Variants in GPR158 observed in about 807,000 individuals in gnomAD.
GPR158 encodes the protein G protein-coupled receptor 158, also known as metabotropic glycine receptor.
In GPR158, 30 loss-of-function variants were observed where a neutral mutation model predicts 78.2. The observed-to-expected ratio is 0.38, with a 90% CI of 0.29 to 0.52. The LOEUF (loss-of-function observed/expected upper bound fraction) is 0.52, where lower values mean the gene tolerates loss of function less well. Among genes scored for constraint, GPR158 ranks in the 20% least tolerant of loss-of-function variants. The pLI, the probability that GPR158 is intolerant of heterozygous loss-of-function variation, is 0.83. For synonymous variants in GPR158, 581 were observed against 591.1 expected, an observed-to-expected ratio of 0.98 and a Z score of 0.25; for missense variants, 1,463 against 1,523.5, an observed-to-expected ratio of 0.96 and a Z score of 0.66.
intron 7 of GPR158, among the ~76,000 whole-genome samples, chr10:25,587,429 A>G (rs549669920): frequency 6.6e-6 from 1 of 152,298 alleles, no homozygotes; most frequent in South Asian, 2.1e-4. Context: ...TTAGGCAAAG[A>G]TTGTTATTGT....
At chr10:25,516,963 G>T (rs529518457) in intron 5 of GPR158, among the ~76,000 whole-genome samples, 1 of 149,196 alleles carries the variant, frequency 6.7e-6, no homozygotes, top group South Asian at 2.1e-4. Context: ...ACCTTGGGCA[G>T]TATGGCCATT....
chr10:25,501,218 A>C (rs1835942607), intron 5 of GPR158, among the ~76,000 whole-genome samples: 1 of 152,154 alleles, frequency 6.6e-6, no homozygotes, highest in Non-Finnish European at 1.5e-5. Flanking sequence ...GGTTAGCACC[A>C]GACAGCGTGG....
intron 5 of GPR158, among the ~76,000 whole-genome samples, chr10:25,549,462 C>CTTT (rs34318456): frequency 6.7e-6 from 1 of 150,076 alleles, no homozygotes; most frequent in African/African-American, 2.4e-5. Flanking sequence ...CAGGTTTTTA[C>CTTT]TTTTTTTTTT....
intron 4 of GPR158, among the ~76,000 whole-genome samples, chr10:25,448,083 C>CT (rs35421884): frequency 0.014 from 1,654 of 118,116 alleles, 21 homozygotes; most frequent in South Asian, 0.037. Flanking sequence ...TGTCTGACTT[C>CT]TTTTTTTTTT....
chr10:25,369,008 G>C (rs1198273815), intron 2 of GPR158, among the ~76,000 whole-genome samples: 1 of 150,474 alleles, frequency 6.6e-6, no homozygotes, highest in Admixed American at 6.6e-5. Context: ...TGTGATTTTC[G>C]TACATTGATT....
chr10:25,320,521 A>G (rs1854932911), intron 2 of GPR158, among the ~76,000 whole-genome samples: 2 of 152,200 alleles, frequency 1.3e-5, no homozygotes, highest in African/African-American at 2.4e-5. Flanking sequence ...TTCCAGTGGT[A>G]TAATAGTTTT....
chr10:25,504,091 A>G (rs1036015853), intron 5 of GPR158, among the ~76,000 whole-genome samples: 3 of 151,986 alleles, frequency 2.0e-5, no homozygotes, highest in East Asian at 1.9e-4. Context: ...GGGTTTCGCC[A>G]TATCAGCCAG....
chr10:25,262,382 A>G (rs977724396), intron 2 of GPR158, among the ~76,000 whole-genome samples: 3 of 152,192 alleles, frequency 2.0e-5, no homozygotes, highest in Non-Finnish European at 4.4e-5. Context: ...AATGATTGCA[A>G]TACACTTTGG....
intron 1 of GPR158, among the ~76,000 whole-genome samples, chr10:25,202,571 A>G (rs1409293996): frequency 1.3e-5 from 2 of 152,130 alleles, no homozygotes; most frequent in African/African-American, 4.8e-5. Flanking sequence ...ATGTCCCTAC[A>G]AAGGACATGA....
At chr10:25,422,850 A>ACCCCC (rs11424448) in intron 4 of GPR158, among the ~76,000 whole-genome samples, 5 of 130,270 alleles carry the variant, frequency 3.8e-5, no homozygotes, top group South Asian at 2.6e-4. Flanking sequence ...TTATTCCCTT[A>ACCCCC]CCCCCCCCAC....
At chr10:25,212,264 T>C (rs1001423876) in intron 1 of GPR158, among the ~76,000 whole-genome samples, 1 of 152,138 alleles carries the variant, frequency 6.6e-6, no homozygotes, top group Admixed American at 6.5e-5. Context: ...CTGGGGAAGC[T>C]TCAGGGAGCT....
chr10:25,295,507 G>A (rs952893971), intron 2 of GPR158, among the ~76,000 whole-genome samples: 1 of 151,888 alleles, frequency 6.6e-6, no homozygotes, highest in Admixed American at 6.6e-5. Flanking sequence ...TCCACCTCCC[G>A]GGTTCACGCC....
intron 2 of GPR158, among the ~76,000 whole-genome samples, chr10:25,324,951 G>T (rs554709583): frequency 4.0e-5 from 6 of 149,292 alleles, no homozygotes; most frequent in African/African-American, 1.5e-4. Flanking sequence ...CAATCCTCCT[G>T]CCTCAACTTC....
chr10:25,281,632 G>C (rs1252596009), intron 2 of GPR158, among the ~76,000 whole-genome samples: 2 of 150,338 alleles, frequency 1.3e-5, no homozygotes, highest in Non-Finnish European at 2.9e-5. Flanking sequence ...TCAAAAATTT[G>C]GGATGTAATT....
chr10:25,408,771 A>G (rs1205497125), intron 3 of GPR158, among the ~76,000 whole-genome samples: 3 of 152,034 alleles, frequency 2.0e-5, no homozygotes, highest in East Asian at 1.9e-4. Context: ...TCTTGGCCTT[A>G]TCTCTTTCTC....
chr10:25,208,847 CTTCT>C (rs1440529636), intron 1 of GPR158, among the ~76,000 whole-genome samples: 2 of 147,106 alleles, frequency 1.4e-5, no homozygotes, highest in Non-Finnish European at 3.0e-5. Context: ...TCTTTCTTTC[CTTCT>C]TTTTTTTTTT....
intron 4 of GPR158, among the ~76,000 whole-genome samples, chr10:25,448,563 A>T (rs929281559): frequency 2.6e-5 from 4 of 152,200 alleles, no homozygotes; most frequent in Non-Finnish European, 4.4e-5. Flanking sequence ...ATTAAAAATA[A>T]AGTTGCTATA....
intron 4 of GPR158, among the ~76,000 whole-genome samples, chr10:25,439,772 A>T (rs1028830276): frequency 6.6e-6 from 1 of 152,128 alleles, no homozygotes; most frequent in African/African-American, 2.4e-5. Context: ...TCAGTGCAAA[A>T]TCCTATTGGA....
At chr10:25,220,068 G>T (rs1229085345) in intron 1 of GPR158, among the ~76,000 whole-genome samples, 1 of 152,080 alleles carries the variant, frequency 6.6e-6, no homozygotes, top group Non-Finnish European at 1.5e-5. Flanking sequence ...ATGAAAAATT[G>T]TTTAAATTAG....
Sources: allele counts gnomAD v4.1 joint callset (sites outside exome capture counted in the v4.1 genomes callset), GRCh38; gene constraint gnomAD v4.1.1; transcripts MANE v1.5; gene names NCBI Gene and HGNC (gene_info 2026-07-23, HGNC 2026-07-21).